Variants in SYT14 observed in about 807,000 individuals in gnomAD.
SYT14 encodes the protein synaptotagmin 14, also known as synaptotagmin-14.
Under a neutral mutation model 74.2 loss-of-function variants are expected in SYT14, and 32 were observed. That is an observed-to-expected ratio of 0.43 (90% CI 0.33 to 0.58). The LOEUF is 0.58. Ranked by LOEUF, SYT14 falls within the 20% of genes least tolerant of loss-of-function variation. SYT14 has a pLI of 0.05. For synonymous variants in SYT14, 298 were observed against 337.7 expected, an observed-to-expected ratio of 0.88 and a Z score of 1.29; for missense variants, 791 against 981.8, an observed-to-expected ratio of 0.81 and a Z score of 2.60.
At chr1:210,119,641 A>C (rs1273656666) in intron 7 of SYT14, among the ~76,000 whole-genome samples, 1 of 152,176 alleles carries the variant, frequency 6.6e-6, no homozygotes. Flanking sequence ...CCAGTATATA[A>C]ATTTCCTGAT....
At chr1:209,942,868 A>G (rs2078758387) in intron 1 of SYT14, among the ~76,000 whole-genome samples, 1 of 152,186 alleles carries the variant, frequency 6.6e-6, no homozygotes, top group Admixed American at 6.5e-5. Flanking sequence ...ACATTTTTTA[A>G]AAATGTAGAA....
At chr1:210,078,303 C>T (rs1444075705) in intron 5 of SYT14, among the ~76,000 whole-genome samples, 3 of 87,882 alleles carry the variant, frequency 3.4e-5, no homozygotes, top group Non-Finnish European at 6.1e-5. Context: ...GAGCGAGACT[C>T]CGTCTCAAAA....
chr1:210,030,129 GT>G (rs1022759837), intron 5 of SYT14, among the ~76,000 whole-genome samples: 2 of 145,896 alleles, frequency 1.4e-5, no homozygotes, highest in Non-Finnish European at 1.5e-5. Context: ...TTGTTTATTA[GT>G]TTTTTTTGTT....
chr1:210,106,867 G>T (rs2082167793), intron 7 of SYT14, among the ~76,000 whole-genome samples: 2 of 152,060 alleles, frequency 1.3e-5, no homozygotes, highest in African/African-American at 4.8e-5. Flanking sequence ...ACTCATTCTA[G>T]CATTAAGTCA....
intron 5 of SYT14, among the ~76,000 whole-genome samples, chr1:210,093,746 C>T (rs563107687): frequency 6.6e-6 from 1 of 152,248 alleles, no homozygotes; most frequent in East Asian, 1.9e-4. Flanking sequence ...TGTTCGCAAA[C>T]AGGGAATGGG....
chr1:210,107,239 A>G (rs1371923087), intron 7 of SYT14, among the ~76,000 whole-genome samples: 1 of 152,250 alleles, frequency 6.6e-6, no homozygotes, highest in East Asian at 1.9e-4. Context: ...GAAGGGACTG[A>G]CATTGAAGGC....
At chr1:210,142,213 TCA>T (rs1192717140) in intron 7 of SYT14, among the ~76,000 whole-genome samples, 1 of 152,176 alleles carries the variant, frequency 6.6e-6, no homozygotes, top group African/African-American at 2.4e-5. Context: ...CTGTTGGATT[TCA>T]CAGTTGCAAG....
chr1:210,056,837 A>ATTATTAAT (rs2081107851), intron 5 of SYT14, among the ~76,000 whole-genome samples: 1 of 148,220 alleles, frequency 6.7e-6, no homozygotes, highest in Non-Finnish European at 1.5e-5. Flanking sequence ...TGTTACTATT[A>ATTATTAAT]TTATTTATTT....
chr1:210,098,331 TACA>T (rs1015865492), intron 6 of SYT14, among the ~76,000 whole-genome samples: 1 of 152,116 alleles, frequency 6.6e-6, no homozygotes, highest in African/African-American at 2.4e-5. Flanking sequence ...CCCCACCAAA[TACA>T]ATGGCTAAAG....
chr1:210,107,345 A>G (rs1011271740), intron 7 of SYT14, among the ~76,000 whole-genome samples: 10 of 152,226 alleles, frequency 6.6e-5, no homozygotes, highest in Non-Finnish European at 1.2e-4. Flanking sequence ...GTCAACTACA[A>G]TTCAAGGTGA....
chr1:209,940,646 A>C (rs2078716030), intron 1 of SYT14, among the ~76,000 whole-genome samples: 1 of 152,172 alleles, frequency 6.6e-6, no homozygotes, highest in Non-Finnish European at 1.5e-5. Flanking sequence ...TCTGCCATTC[A>C]GTAACGTCTG....
chr1:210,034,459 A>T (rs1173954218), intron 5 of SYT14, among the ~76,000 whole-genome samples: 1 of 151,582 alleles, frequency 6.6e-6, no homozygotes, highest in East Asian at 1.9e-4. Context: ...TTTTAAATAG[A>T]TGTAAGGGGT....
chr1:210,053,567 G>A (rs1206074096), intron 5 of SYT14, among the ~76,000 whole-genome samples: 1 of 152,186 alleles, frequency 6.6e-6, no homozygotes, highest in Non-Finnish European at 1.5e-5. Context: ...AGGAAGATGA[G>A]TTAACTGTTG....
At chr1:210,136,441 A>G (rs1285506288) in intron 7 of SYT14, among the ~76,000 whole-genome samples, 1 of 152,234 alleles carries the variant, frequency 6.6e-6, no homozygotes, top group Non-Finnish European at 1.5e-5. Flanking sequence ...AAGTATAACT[A>G]GATTGTAAGT....
At chr1:210,162,723 G>A (rs1489496387) in exon 10 of SYT14, 1 of 449,604 alleles carries the variant, frequency 2.2e-6, no homozygotes, top group Non-Finnish European at 4.4e-6. Flanking sequence ...TGGCTGTACT[G>A]AAAGGCCTTA....
intron 7 of SYT14, among the ~76,000 whole-genome samples, chr1:210,121,495 G>A (rs2082460031): frequency 6.6e-6 from 1 of 152,074 alleles, no homozygotes. Context: ...CAACTTTTTG[G>A]AAATATATTC....
At chr1:210,154,335 C>A (rs564879273) in intron 7 of SYT14, among the ~76,000 whole-genome samples, 7 of 152,096 alleles carry the variant, frequency 4.6e-5, no homozygotes, top group Non-Finnish European at 1.0e-4. Flanking sequence ...AGTGGGCTAG[C>A]GAACATTACA....
intron 2 of SYT14, among the ~76,000 whole-genome samples, chr1:209,957,522 G>A (rs2079012545): frequency 6.6e-6 from 1 of 152,030 alleles, no homozygotes; most frequent in African/African-American, 2.4e-5. Context: ...CACCTCCTGG[G>A]TTCAGGGGAT....
At chr1:210,038,122 C>T (rs570052728) in intron 5 of SYT14, among the ~76,000 whole-genome samples, 5 of 151,820 alleles carry the variant, frequency 3.3e-5, no homozygotes, top group Admixed American at 6.6e-5. Flanking sequence ...ATATAAATTT[C>T]GGATTGTTAC....
Sources: allele counts gnomAD v4.1 joint callset (sites outside exome capture counted in the v4.1 genomes callset), GRCh38; gene constraint gnomAD v4.1.1; transcripts MANE v1.5; gene names NCBI Gene and HGNC (gene_info 2026-07-23, HGNC 2026-07-21).